The following LRRIQ3 variants were observed in gnomAD, a reference collection of about 807,000 sequenced individuals.
The protein encoded by LRRIQ3 is leucine-rich repeat and IQ domain-containing protein 3.
LRRIQ3 carries 75 observed loss-of-function variants against 59.3 expected under a neutral mutation model. That is an observed-to-expected ratio of 1.26 (90% confidence interval 1.05 to 1.53). The LOEUF is 1.53. LRRIQ3 is among the 40% of genes most tolerant of loss of function. The pLI, the probability that LRRIQ3 is intolerant of heterozygous loss-of-function variation, is 0.00. For synonymous variants in LRRIQ3, 250 were observed against 231.3 expected (o/e 1.08, Z -0.73); for missense variants, 831 against 710.0 (o/e 1.17, Z -1.94).
intron 5 of LRRIQ3, among the ~76,000 whole-genome samples, chr1:74,091,847 A>G (rs1646398152): frequency 6.6e-6 from 1 of 152,052 alleles, no homozygotes; most frequent in Non-Finnish European, 1.5e-5. Context: ...TGCTTTGCCA[A>G]TTGCTTTCCA....
intron 5 of LRRIQ3, among the ~76,000 whole-genome samples, chr1:74,091,745 T>G (rs1208268068): frequency 1.3e-5 from 2 of 152,074 alleles, no homozygotes; most frequent in African/African-American, 4.8e-5. Flanking sequence ...TCTTAATAAT[T>G]CAAGTGGAAA....
intron 6 of LRRIQ3, among the ~76,000 whole-genome samples, chr1:74,051,082 CTCTCACTTTACA>C (rs1438749320): frequency 1.3e-5 from 2 of 152,174 alleles, no homozygotes; most frequent in Non-Finnish European, 2.9e-5. Context: ...GGCGTTACCC[CTCTCACTTTACA>C]TCTTTAATCA....
At chr1:74,133,395 A>G (rs549936876) in intron 4 of LRRIQ3, among the ~76,000 whole-genome samples, 1 of 152,234 alleles carries the variant, frequency 6.6e-6, no homozygotes, top group East Asian at 1.9e-4. Context: ...TCATGCTGCT[A>G]TAAAGACACA....
At chr1:74,054,332 AC>A (rs1246075488) in intron 6 of LRRIQ3, among the ~76,000 whole-genome samples, 4 of 152,172 alleles carry the variant, frequency 2.6e-5, no homozygotes, top group African/African-American at 9.7e-5. Flanking sequence ...GAACAGGTAA[AC>A]CTGTAAATAA....
At chr1:74,196,015 TA>T (rs1651094930) in intron 1 of LRRIQ3, among the ~76,000 whole-genome samples, 1 of 151,884 alleles carries the variant, frequency 6.6e-6, no homozygotes, top group South Asian at 2.1e-4. Flanking sequence ...TTTTTTTTAC[TA>T]AAAATTAATA....
chr1:74,122,077 A>G (rs1207450101), intron 4 of LRRIQ3, among the ~76,000 whole-genome samples: 4 of 152,096 alleles, frequency 2.6e-5, no homozygotes, highest in African/African-American at 9.7e-5. Context: ...AGCATGATTT[A>G]TAATCCTTTG....
chr1:74,190,346 A>G (rs1488765001), intron 1 of LRRIQ3, among the ~76,000 whole-genome samples: 1 of 152,140 alleles, frequency 6.6e-6, no homozygotes, highest in Admixed American at 6.6e-5. Context: ...AATGGTAGAG[A>G]CCAAAAACAT....
intron 3 of LRRIQ3, among the ~76,000 whole-genome samples, chr1:74,176,561 T>C (rs999833770): frequency 1.3e-5 from 2 of 152,214 alleles, no homozygotes; most frequent in African/African-American, 4.8e-5. Context: ...CTGCACTCTG[T>C]TTTCTCGAGA....
chr1:74,168,306 AGATT>A (rs1350862162), intron 3 of LRRIQ3, among the ~76,000 whole-genome samples: 1 of 151,970 alleles, frequency 6.6e-6, no homozygotes, highest in Non-Finnish European at 1.5e-5. Flanking sequence ...CCTTATTAGT[AGATT>A]GAAACTTTTA....
intron 6 of LRRIQ3, chr1:74,050,482 T>C (rs1243989445): frequency 6.1e-6 from 6 of 980,280 alleles, no homozygotes; most frequent in Non-Finnish European, 4.8e-6. Flanking sequence ...TTGGATCTTT[T>C]AGGACTCAGA....
chr1:74,101,803 A>C (rs547325265), intron 5 of LRRIQ3, among the ~76,000 whole-genome samples: 1 of 152,072 alleles, frequency 6.6e-6, no homozygotes, highest in Non-Finnish European at 1.5e-5. Flanking sequence ...TCAAACTATC[A>C]CAAGGACAAA....
chr1:74,130,650 A>G (rs1647000959), intron 4 of LRRIQ3, among the ~76,000 whole-genome samples: 1 of 152,148 alleles, frequency 6.6e-6, no homozygotes, highest in Admixed American at 6.6e-5. Context: ...TGCTTCTGCA[A>G]GGAGGATGAT....
chr1:74,036,341 C>G (rs964583293), intron 7 of LRRIQ3, among the ~76,000 whole-genome samples: 4 of 152,120 alleles, frequency 2.6e-5, no homozygotes, highest in African/African-American at 9.7e-5. Flanking sequence ...ACAGGCCTTG[C>G]TTGGTACCCC....
intron 7 of LRRIQ3, among the ~76,000 whole-genome samples, chr1:74,035,983 G>C (rs1480118543): frequency 6.6e-6 from 1 of 152,098 alleles, no homozygotes; most frequent in Non-Finnish European, 1.5e-5. Flanking sequence ...TGTAACAATT[G>C]AAATGTATGC....
Position 74,074,868 on chromosome 1 carries a change from T to TTA in LRRIQ3, c.868-80_868-79dup, listed in dbSNP as rs150905227. The stretch of plus-strand genomic sequence containing the variant: ...AGTTCTTCAAGGGTTTTCACATGAA[T>TTA]TACATTATCATGATTGATTTTCATT... On this transcript the variant is annotated intron_variant, in intron 5 of 7. Transcript: ENST00000354431. 9.6e-3 allele frequency: 6,550 copies of TTA among 681,884 alleles called. 377 individuals are homozygous for TTA. In the African/African-American group the frequency reaches 0.11, roughly 12 times the overall value. 42.2% of individuals were successfully genotyped at this position (681,884 alleles called of 1,614,324 possible).
intron 3 of LRRIQ3, among the ~76,000 whole-genome samples, chr1:74,168,646 G>C (rs780902217): frequency 7.9e-5 from 12 of 151,922 alleles, no homozygotes; most frequent in Admixed American, 7.2e-4. Context: ...TTTTCTGTTA[G>C]ATTCCTGTTT....
chr1:74,036,487 G>A (rs1653877499), intron 7 of LRRIQ3, among the ~76,000 whole-genome samples: 2 of 152,008 alleles, frequency 1.3e-5, no homozygotes, highest in African/African-American at 4.8e-5. Flanking sequence ...AAAGCTTCTA[G>A]GTCACATAAC....
chr1:74,103,016 T>C (rs1646556905), intron 5 of LRRIQ3, among the ~76,000 whole-genome samples: 6 of 152,004 alleles, frequency 3.9e-5, no homozygotes, highest in Admixed American at 3.3e-4. Context: ...TAGCCTCTGG[T>C]AGCTCTAGTA....
chr1:74,057,589 T>G (rs928854471), intron 6 of LRRIQ3, among the ~76,000 whole-genome samples: 3 of 152,108 alleles, frequency 2.0e-5, no homozygotes, highest in South Asian at 2.1e-4. Flanking sequence ...ATATAAAAAA[T>G]CTACTCAAAA....
Sources: gnomAD v4.1 joint callset for allele counts (sites outside exome capture counted in the v4.1 genomes callset) on GRCh38, gnomAD v4.1.1 for gene constraint, MANE v1.5 for transcripts, NCBI Gene and HGNC (gene_info 2026-07-23, HGNC 2026-07-21) for gene names.